The following LTBP2 variants were observed in gnomAD, a reference collection of about 807,000 sequenced individuals.
The protein encoded by LTBP2 is latent transforming growth factor beta binding protein 2.
A neutral mutation model predicts 210.6 loss-of-function variants in LTBP2; 103 were observed. The ratio of observed to expected loss-of-function variants is 0.49; its 90% CI spans 0.42 to 0.58. The LOEUF is 0.58. LTBP2 is among the 20% of genes least tolerant of loss of function. The pLI, the probability that LTBP2 is intolerant of heterozygous loss-of-function variation, is 0.00. For missense variants in LTBP2, 2,313 were observed against 2,494.5 expected, an observed-to-expected ratio of 0.93 and a Z score of 1.55; for synonymous variants, 1,007 against 1,015.0, an observed-to-expected ratio of 0.99 and a Z score of 0.15.
At chr14:74,507,739 A>G (rs908769125) in intron 25 of LTBP2, among the ~76,000 whole-genome samples, 2 of 152,236 alleles carry the variant, frequency 1.3e-5, no homozygotes, top group Non-Finnish European at 2.9e-5. Context: ...TTTAATGTCT[A>G]TTGAATCAAT....
At chr14:74,600,652 C>T (rs1206512525) in intron 2 of LTBP2, among the ~76,000 whole-genome samples, 2 of 152,100 alleles carry the variant, frequency 1.3e-5, no homozygotes, top group East Asian at 3.9e-4. Context: ...GGCCCACCCC[C>T]TATGAAGCCA....
intron 3 of LTBP2, among the ~76,000 whole-genome samples, chr14:74,572,040 TG>T (rs1350564813): frequency 6.6e-6 from 1 of 152,078 alleles, no homozygotes; most frequent in African/African-American, 2.4e-5. Context: ...CACAGCTATG[TG>T]GCTAGCAAAG....
intron 5 of LTBP2, 124 bp from the exon 6 acceptor site, chr14:74,552,517 G>A: frequency 2.3e-6 from 2 of 872,724 alleles, no homozygotes; most frequent in Non-Finnish European, 3.7e-6. Flanking sequence ...GTAGCCCGGA[G>A]CCCCCTGAAA....
chr14:74,521,062 CT>C (rs1339023117), intron 17 of LTBP2, among the ~76,000 whole-genome samples: 1 of 152,212 alleles, frequency 6.6e-6, no homozygotes, highest in Non-Finnish European at 1.5e-5. Flanking sequence ...GCCCCTTCTA[CT>C]TCCCTTCCCT....
chr14:74,580,008 A>G (rs963092153), intron 3 of LTBP2, among the ~76,000 whole-genome samples: 2 of 152,218 alleles, frequency 1.3e-5, no homozygotes, highest in Non-Finnish European at 2.9e-5. Flanking sequence ...GATTTCTGCC[A>G]AGAAAAGAGA....
Position 74,552,570 on chromosome 14 carries a change from G to A in LTBP2, c.1193-177C>T, listed in dbSNP as rs1347608182. ...TCATTCATGTAGAGTGAAGAAGAGT[G>A]GATAATAACCAGCCCCTGCCTTCCT... On this transcript the variant is annotated intron_variant, in intron 5 of 35. Transcript: ENST00000261978. 4.6e-5 allele frequency among the ~76,000 whole-genome samples: 7 copies of A among 152,236 alleles called. No homozygotes were observed. The East Asian group carries it at 1.4e-3, about 29-fold the overall frequency.
At chr14:74,535,841 C>T (rs2087413715) in intron 9 of LTBP2, 85 bp downstream of exon 9, 14 of 1,224,944 alleles carry the variant, frequency 1.1e-5, no homozygotes, top group Admixed American at 5.4e-5. Context: ...GGAGACCACT[C>T]GGCCAGTGAC....
At chr14:74,521,792 C>T (rs2087205731) in intron 17 of LTBP2, 119 bp downstream of exon 17, 1 of 1,372,876 alleles carries the variant, frequency 7.3e-7, no homozygotes, top group Non-Finnish European at 1.0e-6. Flanking sequence ...CTCCTTCACT[C>T]CTTCAGCTGC....
Position 74,546,575 on chromosome 14 carries a change from G to A in LTBP2, c.1789+3288C>T, listed in dbSNP as rs79488635. Among the ~76,000 whole-genome samples, 102 of 152,280 alleles carry A rather than the reference G, an allele frequency of 6.7e-4. 1 individual carries two copies. The East Asian group carries it at 0.017, about 25-fold the overall frequency. Reference sequence around the variant, plus strand: ...CTTGACATTCCAGGGTCTGTACCCTGGTGCCCAGCGCGCTGAGATGTTCTG... The same window carrying A: ...CTTGACATTCCAGGGTCTGTACCCTAGTGCCCAGCGCGCTGAGATGTTCTG... On this transcript the variant is annotated intron_variant, in intron 8 of 35. Transcript: ENST00000261978.
At chr14:74,535,138 G>A (rs1318011005) in intron 9 of LTBP2, among the ~76,000 whole-genome samples, 7 of 152,030 alleles carry the variant, frequency 4.6e-5, no homozygotes, top group Non-Finnish European at 8.8e-5. Context: ...CTTTTGCTTG[G>A]CCCCAGCACC....
At chr14:74,531,901 C>G (rs1318093608) in intron 10 of LTBP2, among the ~76,000 whole-genome samples, 2 of 152,228 alleles carry the variant, frequency 1.3e-5, no homozygotes, top group African/African-American at 2.4e-5. Flanking sequence ...ATGTACATAC[C>G]TGGACACAAT....
chr14:74,516,717 C>T, intron 18 of LTBP2, 105 bp downstream of exon 18: 1 of 1,456,522 alleles, frequency 6.9e-7, no homozygotes, highest in South Asian at 1.2e-5. Flanking sequence ...CATCAAGGGG[C>T]CAGGGCAGAG....
At position 74,509,806 on chromosome 14, in the gene LTBP2, T is replaced by A. The variant is rs1410448824; in HGVS notation, c.3205A>T (p.Thr1069Ser). The part of the protein sequence containing the change: ...ASCPTGLCLN[T>S]EGSFACSACE... Reference sequence around the variant, plus strand: ...GCAGAGCAGGCGAAGGAGCCCTCCGTGTTGAGGCAGAGGCCTGTGGGGCAT... The same window carrying A: ...GCAGAGCAGGCGAAGGAGCCCTCCGAGTTGAGGCAGAGGCCTGTGGGGCAT... The change falls in exon 21 of 36, where the codon ACG becomes TCG. Residue 1069 changes from threonine (T) to serine (S), a missense_variant. This residue lies in a region of LTBP2 where 1,867 missense variants were observed against 1,976.9 expected (regional missense o/e 0.94). Coordinates refer to ENST00000261978, the MANE Select transcript of LTBP2 (RefSeq NM_000428.3). 1 of 1,613,976 alleles carries A rather than the reference T, an allele frequency of 6.2e-7. No individual in the cohort carries two copies. The highest frequency in any genetic ancestry group is 1.1e-5 in the South Asian group (1 of 91,088).
chr14:74,500,695 G>A lies in LTBP2; in HGVS notation c.*189C>T. 1 of 724,160 alleles carries A rather than the reference G, an allele frequency of 1.4e-6. No individual in the cohort carries two copies. Among genetic ancestry groups the A allele is most frequent in the Non-Finnish European group, 2.4e-6 (1 of 422,482 alleles). The allele number at this position is 724,160 out of a possible 1,614,324, so 44.9% of individuals were successfully genotyped here. On this transcript the variant is annotated 3_prime_UTR_variant, in exon 36 of 36. Coordinates refer to ENST00000261978, the MANE Select transcript of LTBP2 (RefSeq NM_000428.3). ...AAGCGATTGGTGGTGCTTGAGCCAA[G>A]CAAGGGCATGGAGGCAATGACCGAA...
At chr14:74,600,074 G>A (rs1243853651) in intron 2 of LTBP2, among the ~76,000 whole-genome samples, 1 of 152,180 alleles carries the variant, frequency 6.6e-6, no homozygotes, top group Non-Finnish European at 1.5e-5. Context: ...CAGGGGTGGG[G>A]GAGAGCCAGC....
In LTBP2 at chr14:74,510,306, G is replaced by A. The variant is rs888553484; in HGVS notation, c.3029-93C>T. 7.0e-6 allele frequency: 11 copies of A among 1,578,410 alleles called. No homozygotes were observed. The Admixed American group carries it at 1.7e-4, about 24-fold the overall frequency. On this transcript the variant is annotated intron_variant, in intron 19 of 35. Transcript: ENST00000261978. ...CCAAGCATCTCAGTTATGAGGCCAG[G>A]GAACCAGCCTTCAGAGGGGCCGCAG...
chr14:74,564,233 T>A (rs60519991), intron 3 of LTBP2, among the ~76,000 whole-genome samples: 4 of 10,424 alleles, frequency 3.8e-4, no homozygotes, highest in African/African-American at 6.9e-4. Context: ...ATATATATAT[T>A]TATATATATT....
At position 74,518,030 on chromosome 14, in the gene LTBP2, T is replaced by C. The variant is rs11848797; in HGVS notation, c.2789-1089A>G. ...TTCACACAAATGCTTCCACCTGGAGTCTCTTTCCTCACGATGGCCAGCAAA... is the reference window on the plus strand; with the variant it reads ...TTCACACAAATGCTTCCACCTGGAGCCTCTTTCCTCACGATGGCCAGCAAA... On this transcript the variant is annotated intron_variant, in intron 17 of 35. Coordinates refer to ENST00000261978, the MANE Select transcript of LTBP2 (RefSeq NM_000428.3). 3.4e-3 allele frequency among the ~76,000 whole-genome samples: 521 copies of C among 152,108 alleles called. 5 individuals are homozygous for C. Among genetic ancestry groups the C allele is most frequent in the African/African-American group, 0.012 (497 of 41,478 alleles).
At chr14:74,599,576 A>G (rs561219316) in intron 2 of LTBP2, among the ~76,000 whole-genome samples, 4 of 152,320 alleles carry the variant, frequency 2.6e-5, no homozygotes, top group African/African-American at 9.6e-5. Flanking sequence ...ACATAAACAC[A>G]TAAGTCCCGA....
Sources: allele counts gnomAD v4.1 joint callset (sites outside exome capture counted in the v4.1 genomes callset), GRCh38; gene constraint gnomAD v4.1.1; regional missense constraint gnomAD v4.1.1; transcripts MANE v1.5; gene names NCBI Gene and HGNC (gene_info 2026-07-23, HGNC 2026-07-21).